ATP6V1B1: variants seen among roughly 807,000 people sequenced by gnomAD.
ATP6V1B1 encodes the protein ATPase H+ transporting V1 subunit B1.
Under a neutral mutation model 62.1 loss-of-function variants are expected in ATP6V1B1, and 41 were observed. The ratio of observed to expected loss-of-function variants is 0.66; its 90% confidence interval spans 0.51 to 0.86. The LOEUF is 0.86. ATP6V1B1 is among the 40% of genes least tolerant of loss of function. The probability of loss-of-function intolerance (pLI) is 0.00; values close to 1 mark genes in which losing one functional copy is unlikely to be tolerated. For synonymous variants in ATP6V1B1, 253 were observed against 273.4 expected (o/e 0.93, Z 0.74); for missense variants, 651 against 697.5 (o/e 0.93, Z 0.75).
At chr2:70,955,368 T>A (rs1553418889) in intron 2 of ATP6V1B1, among the ~76,000 whole-genome samples, 1 of 152,238 alleles carries the variant, frequency 6.6e-6, no homozygotes, top group East Asian at 1.9e-4. Flanking sequence ...ACTCACATAC[T>A]GTTAATTCAG....
chr2:70,940,205 C>T, intron 1 of ATP6V1B1: 1 of 244,038 alleles, frequency 4.1e-6, no homozygotes, highest in South Asian at 1.5e-4. Flanking sequence ...AATGGGGATT[C>T]TACATGACAG....
At chr2:70,948,546 A>G (rs1322682065) in intron 2 of ATP6V1B1, 1 of 154,700 alleles carries the variant, frequency 6.5e-6, no homozygotes, top group Non-Finnish European at 1.5e-5. Context: ...AACACAGGTT[A>G]TCAGAGTGGG....
In ATP6V1B1 at chr2:70,951,323, C is replaced by A. The variant is rs533023004; in HGVS notation, c.175-6723C>A. 1.1e-4 allele frequency among the ~76,000 whole-genome samples: 16 copies of A among 152,272 alleles called. No homozygotes were observed. The South Asian group carries it at 3.1e-3, about 30-fold the overall frequency. On this transcript the variant is annotated intron_variant, in intron 2 of 13. Transcript: ENST00000234396. ...AGAATTAAGATATTCTTTTATATAA[C>A]TACAGTAGAGCTATCAACTTCTGAA... is the stretch of plus-strand genomic sequence containing the variant.
chr2:70,961,799 G>C (rs968151286), intron 8 of ATP6V1B1, 106 bp downstream of exon 8: 1 of 1,112,094 alleles, frequency 9.0e-7, no homozygotes, highest in Non-Finnish European at 1.4e-6. Context: ...ACAGCCATAC[G>C]CCAGAGCTGG....
At chr2:70,951,890 T>C (rs1680330996) in intron 2 of ATP6V1B1, among the ~76,000 whole-genome samples, 1 of 151,780 alleles carries the variant, frequency 6.6e-6, no homozygotes, top group African/African-American at 2.4e-5. Context: ...CGAGTGAAAC[T>C]CTGTCTTAAA....
At chr2:70,948,971 A>C (rs1290270061) in intron 2 of ATP6V1B1, among the ~76,000 whole-genome samples, 1 of 152,334 alleles carries the variant, frequency 6.6e-6, no homozygotes, top group African/African-American at 2.4e-5. Context: ...AGTAGGTGAT[A>C]TAACGATAGT....
At chr2:70,940,353 T>G in intron 1 of ATP6V1B1, 2 of 492,852 alleles carry the variant, frequency 4.1e-6, no homozygotes, top group Non-Finnish European at 5.2e-6. Flanking sequence ...CCCACCTCCC[T>G]ATCCAGCCCA....
intron 2 of ATP6V1B1, among the ~76,000 whole-genome samples, chr2:70,950,316 T>G (rs11896595): frequency 0.058 from 8,787 of 152,202 alleles, 744 homozygotes; most frequent in African/African-American, 0.18. Flanking sequence ...TCTCAGACAT[T>G]TATGTGAACT....
intron 2 of ATP6V1B1, chr2:70,956,180 C>A (rs782497583): frequency 5.1e-5 from 12 of 237,590 alleles, no homozygotes; most frequent in Admixed American, 2.0e-4. Context: ...ATCAATTTGA[C>A]ATACATGGCA....
At chr2:70,958,889 G>T (rs1485468926) in intron 4 of ATP6V1B1, 129 bp from the exon 5 acceptor site, 2 of 867,714 alleles carry the variant, frequency 2.3e-6, no homozygotes. Context: ...CCTGTGGGCT[G>T]CCGGGGAGGG....
Position 70,965,015 on chromosome 2 carries a change from G to C in ATP6V1B1, c.1436G>C (p.Arg479Pro). The C allele has an allele frequency of 1.2e-6, 2 of 1,613,788 alleles. No individual in the cohort carries two copies. The highest frequency in any genetic ancestry group is 1.7e-6 in the Non-Finnish European group (2 of 1,180,032). ...ESLDLGWKLL[R>P]IFPKEMLKRI... The stretch of plus-strand genomic sequence containing the variant: ...CTGGACCTGGGCTGGAAGCTGCTGC[G>C]CATCTTCCCCAAGGAGATGCTGAAG... Residue 479 changes from arginine to proline, a missense_variant, in exon 14 of 14, where the codon CGC (arginine) becomes CCC (proline). Transcript: ENST00000234396.
intron 2 of ATP6V1B1, among the ~76,000 whole-genome samples, chr2:70,946,983 T>A (rs776796998): frequency 1.2e-4 from 19 of 152,142 alleles, no homozygotes; most frequent in Non-Finnish European, 2.2e-4. Flanking sequence ...CCTACCCCTT[T>A]CCCTCTACCA....
chr2:70,945,350 TA>T (rs1680130660), intron 2 of ATP6V1B1, among the ~76,000 whole-genome samples: 1 of 152,130 alleles, frequency 6.6e-6, no homozygotes, highest in Admixed American at 6.5e-5. Context: ...GAGGAAACAC[TA>T]AATTTGCGTA....
chr2:70,939,536 G>A (rs1442606121), intron 1 of ATP6V1B1: 1 of 152,316 alleles, frequency 6.6e-6, no homozygotes, highest in Non-Finnish European at 1.5e-5. Context: ...GCCTCGTTTT[G>A]CCACTCCATG....
chr2:70,945,701 GATATATATATATATATATATATAT>G (rs35710919), intron 2 of ATP6V1B1, among the ~76,000 whole-genome samples: 16 of 83,022 alleles, frequency 1.9e-4, no homozygotes, highest in Admixed American at 6.4e-4. Flanking sequence ...TATTTGAAGA[GATATATATATATATATATATATAT>G]ATATATATAT....
intron 1 of ATP6V1B1, among the ~76,000 whole-genome samples, chr2:70,937,570 G>A (rs2104797189): frequency 6.6e-6 from 1 of 152,070 alleles, no homozygotes; most frequent in Non-Finnish European, 1.5e-5. Context: ...GGCCCCCTTG[G>A]GTCCAGAGCC....
intron 2 of ATP6V1B1, among the ~76,000 whole-genome samples, chr2:70,947,985 A>C (rs1572912627): frequency 1.3e-5 from 2 of 152,282 alleles, no homozygotes; most frequent in South Asian, 2.1e-4. Context: ...CCCACCACCA[A>C]CAACAATAAC....
intron 2 of ATP6V1B1, among the ~76,000 whole-genome samples, chr2:70,957,427 G>A (rs942780766): frequency 6.6e-5 from 10 of 152,070 alleles, no homozygotes; most frequent in African/African-American, 2.2e-4. Context: ...CTGGATATTA[G>A]CCTGATTTTT....
intron 2 of ATP6V1B1, chr2:70,957,689 C>T (rs782607287): frequency 6.2e-5 from 22 of 353,134 alleles, no homozygotes; most frequent in African/African-American, 1.1e-4. Flanking sequence ...CTGCAGCAGC[C>T]GTGGGAAGTA....
Sources: gnomAD v4.1 joint callset for allele counts (sites outside exome capture counted in the v4.1 genomes callset) on GRCh38, gnomAD v4.1.1 for gene constraint, MANE v1.5 for transcripts, NCBI Gene and HGNC (gene_info 2026-07-23, HGNC 2026-07-21) for gene names.